Variants in CSMD1 observed in about 807,000 individuals in gnomAD.
CSMD1 encodes the protein CUB and sushi domain-containing protein 1.
A neutral mutation model predicts 417.5 loss-of-function variants in CSMD1; 213 were observed. That is an observed-to-expected ratio of 0.51 (90% CI 0.46 to 0.57). CSMD1 has a LOEUF of 0.57. CSMD1 is among the 20% of genes least tolerant of loss of function. CSMD1 has a pLI of 0.00. For missense variants in CSMD1, 6,923 were observed against 4,529.7 expected, an observed-to-expected ratio of 1.53 and a Z score of -15.17; for synonymous variants, 2,862 against 1,736.8, an observed-to-expected ratio of 1.65 and a Z score of -16.11.
intron 10 of CSMD1, among the ~76,000 whole-genome samples, chr8:3,500,191 G>T (rs1360826968): frequency 6.6e-6 from 1 of 152,100 alleles, no homozygotes; most frequent in Non-Finnish European, 1.5e-5. Context: ...TCTTTACTCT[G>T]TTGCTTCAGT....
rs550687193 is a variant in CSMD1, at chr8:4,141,865, G to T, written c.416-109766C>A. Among the ~76,000 whole-genome samples the T allele has an allele frequency of 3.2e-4, 49 of 151,096 alleles. 3 individuals are homozygous for T. The highest frequency in any genetic ancestry group is 1.2e-3 in the African/African-American group (47 of 40,476). Reference sequence around the variant, plus strand: ...TGACTAACAGTACCATTTAGATATTGAGAGTACCAATCCTACAAGGAGGAA... The same window carrying T: ...TGACTAACAGTACCATTTAGATATTTAGAGTACCAATCCTACAAGGAGGAA... On this transcript the variant is annotated intron_variant, in intron 3 of 69. Coordinates refer to ENST00000635120, the MANE Select transcript of CSMD1 (RefSeq NM_033225.6).
chr8:3,583,561 T>C (rs1175686797), intron 9 of CSMD1, among the ~76,000 whole-genome samples: 5 of 152,036 alleles, frequency 3.3e-5, no homozygotes, highest in African/African-American at 1.2e-4. Context: ...TTGCAGGCCA[T>C]GTGTCCAAGA....
intron 47 of CSMD1, among the ~76,000 whole-genome samples, chr8:3,093,854 T>G (rs1339167033): frequency 6.6e-6 from 1 of 152,138 alleles, no homozygotes; most frequent in East Asian, 1.9e-4. Context: ...TTAATAGATC[T>G]CACTATGAAA....
intron 5 of CSMD1, among the ~76,000 whole-genome samples, chr8:3,795,116 A>ATATG (rs754550573): frequency 0.15 from 10,424 of 70,836 alleles, 597 homozygotes; most frequent in African/African-American, 0.16. Context: ...ACAGCTATAG[A>ATATG]TATCTATCAT....
At chr8:3,158,020 G>C (rs1238862837) in intron 38 of CSMD1, 54 bp from the exon 39 acceptor site, 2 of 1,348,110 alleles carry the variant, frequency 1.5e-6, no homozygotes, top group Non-Finnish European at 2.1e-6. Flanking sequence ...GAGTATTTAA[G>C]GATTAAATGT....
intron 12 of CSMD1, among the ~76,000 whole-genome samples, chr8:3,462,583 G>C (rs1291237514): frequency 1.3e-5 from 2 of 152,154 alleles, no homozygotes; most frequent in African/African-American, 2.4e-5. Context: ...AGATGGGACT[G>C]TCTAGTTGCA....
rs559185222 is a variant in CSMD1 at position 3,908,134 on chromosome 8, T to C, written c.818+89769A>G. Among the ~76,000 whole-genome samples the C allele has an allele frequency of 2.0e-5, 3 of 152,218 alleles. No individual in the cohort carries two copies. In the East Asian group the frequency reaches 5.8e-4, roughly 29 times the overall value. Reference sequence around the variant, plus strand: ...ATGGAGCCCCTCTGAGAATAACAAATACATGGCAATCACTATAAACCTGCA... The same window carrying C: ...ATGGAGCCCCTCTGAGAATAACAAACACATGGCAATCACTATAAACCTGCA... On this transcript the variant is annotated intron_variant, in intron 5 of 69. Coordinates refer to ENST00000635120, the MANE Select transcript of CSMD1 (RefSeq NM_033225.6).
At chr8:3,752,357 C>T (rs529297999) in intron 6 of CSMD1, among the ~76,000 whole-genome samples, 2 of 152,090 alleles carry the variant, frequency 1.3e-5, no homozygotes, top group African/African-American at 4.8e-5. Context: ...CTGATGAAGT[C>T]TAAAATATAT....
At chr8:4,518,195 G>A (rs1460384858) in intron 2 of CSMD1, among the ~76,000 whole-genome samples, 1 of 151,992 alleles carries the variant, frequency 6.6e-6, no homozygotes, top group Non-Finnish European at 1.5e-5. Flanking sequence ...TATTCATGTG[G>A]GCTGACTCAA....
At chr8:4,230,351 G>A (rs548111734) in intron 3 of CSMD1, among the ~76,000 whole-genome samples, 6 of 152,206 alleles carry the variant, frequency 3.9e-5, no homozygotes, top group East Asian at 1.9e-4. Context: ...AAATCAAGCC[G>A]AGTAAACTCT....
At chr8:3,116,097 G>A (rs554726363) in intron 42 of CSMD1, among the ~76,000 whole-genome samples, 9 of 152,226 alleles carry the variant, frequency 5.9e-5, no homozygotes, top group Non-Finnish European at 8.8e-5. Flanking sequence ...ATGAAGCAAC[G>A]ACTTTTTTAA....
At chr8:2,959,836 G>A (rs763798749) in intron 62 of CSMD1, among the ~76,000 whole-genome samples, 1 of 152,138 alleles carries the variant, frequency 6.6e-6, no homozygotes, top group Non-Finnish European at 1.5e-5. Flanking sequence ...AAACATTTGG[G>A]GAGAGCTGCA....
chr8:3,383,954 G>A (rs529275528), intron 18 of CSMD1, among the ~76,000 whole-genome samples: 95 of 152,230 alleles, frequency 6.2e-4, no homozygotes, highest in African/African-American at 2.2e-3. Context: ...TAAGGTTGCA[G>A]GAAAGAAGCT....
chr8:4,600,094 G>C (rs1348201906), intron 2 of CSMD1, among the ~76,000 whole-genome samples: 1 of 152,194 alleles, frequency 6.6e-6, no homozygotes, highest in Admixed American at 6.5e-5. Context: ...TAGGACTAGA[G>C]GGTGGCAGTC....
At chr8:3,342,942 G>T (rs969276204) in intron 23 of CSMD1, among the ~76,000 whole-genome samples, 1 of 151,848 alleles carries the variant, frequency 6.6e-6, no homozygotes, top group South Asian at 2.1e-4. Flanking sequence ...ACCTCCGGTT[G>T]TATCAAACAT....
intron 2 of CSMD1, among the ~76,000 whole-genome samples, chr8:4,608,117 C>G (rs1800979623): frequency 6.6e-6 from 1 of 152,022 alleles, no homozygotes; most frequent in Non-Finnish European, 1.5e-5. Flanking sequence ...GACCAGTGTC[C>G]CTGGTGTGAA....
intron 27 of CSMD1, among the ~76,000 whole-genome samples, chr8:3,225,334 A>C (rs1363818601): frequency 6.6e-6 from 1 of 152,136 alleles, no homozygotes; most frequent in Non-Finnish European, 1.5e-5. Flanking sequence ...TACGTTCAAG[A>C]GTAATATGAT....
At chr8:3,074,280 G>A (rs1321329065) in intron 49 of CSMD1, among the ~76,000 whole-genome samples, 1 of 152,092 alleles carries the variant, frequency 6.6e-6, no homozygotes, top group Admixed American at 6.5e-5. Context: ...TAAGAACTCT[G>A]CCCCTAGAAG....
chr8:3,524,395 G>A (rs1196444498), intron 10 of CSMD1, among the ~76,000 whole-genome samples: 3 of 140,488 alleles, frequency 2.1e-5, no homozygotes, highest in African/African-American at 8.1e-5. Flanking sequence ...ACACACACAT[G>A]CACACCCAGA....
Sources: allele counts gnomAD v4.1 joint callset (sites outside exome capture counted in the v4.1 genomes callset), GRCh38; gene constraint gnomAD v4.1.1; transcripts MANE v1.5; gene names NCBI Gene and HGNC (gene_info 2026-07-23, HGNC 2026-07-21).